MTFR1: variants seen among roughly 807,000 people sequenced by gnomAD.
MTFR1 encodes the protein mitochondrial fission regulator 1.
Under a neutral mutation model 38.8 loss-of-function variants are expected in MTFR1, and 28 were observed. The observed-to-expected ratio is 0.72, with a 90% CI of 0.53 to 0.99. The LOEUF (loss-of-function observed/expected upper bound fraction) is 0.99. Among genes scored for constraint, MTFR1 ranks in the 50% least tolerant of loss-of-function variants. The probability of loss-of-function intolerance (pLI) is 0.00; values close to 1 mark genes in which losing one functional copy is unlikely to be tolerated. For missense variants in MTFR1, 358 were observed against 395.5 expected, an observed-to-expected ratio of 0.91 and a Z score of 0.81; for synonymous variants, 145 against 137.0, an observed-to-expected ratio of 1.06 and a Z score of -0.41.
intron 3 of MTFR1, among the ~76,000 whole-genome samples, chr8:65,740,168 T>TG (rs1289158700): frequency 3.5e-3 from 233 of 66,584 alleles, no homozygotes; most frequent in Middle Eastern, 8.1e-3. Flanking sequence ...GAGAGTTGCT[T>TG]GGGGGGGTGG....
At chr8:65,654,578 T>G (rs1245902449) in intron 1 of MTFR1, among the ~76,000 whole-genome samples, 2 of 146,118 alleles carry the variant, frequency 1.4e-5, no homozygotes, top group Non-Finnish European at 3.1e-5. Flanking sequence ...AGCAATTTTT[T>G]TGTGTGTTGT....
At chr8:65,664,639 C>T (rs1804321812) in intron 1 of MTFR1, among the ~76,000 whole-genome samples, 1 of 149,064 alleles carries the variant, frequency 6.7e-6, no homozygotes, top group Non-Finnish European at 1.5e-5. Flanking sequence ...CTCCATCTCC[C>T]AGGCTGGAGT....
chr8:65,742,264 G>A (rs774608449), intron 3 of MTFR1, among the ~76,000 whole-genome samples: 1 of 152,146 alleles, frequency 6.6e-6, no homozygotes, highest in Non-Finnish European at 1.5e-5. Flanking sequence ...TCCCAGATGG[G>A]ATCTGGTTGG....
rs543593809 is a variant in MTFR1, at chr8:65,725,192, G to T, written c.*48+5711G>T. 7 of 243,734 alleles carry T rather than the reference G, an allele frequency of 2.9e-5. No homozygotes were observed. In the East Asian group the frequency reaches 5.4e-4, roughly 19 times the overall value. 15.1% of individuals were successfully genotyped at this position (243,734 alleles called of 1,614,324 possible). ...AGCCTTTATTTTGCCAGCCAAGGTG[G>T]TATTATTTGCTTTAAAAAAAAAATC... On this transcript the variant is annotated intron_variant, in intron 3 of 3. Transcript: ENST00000521247.
intron 1 of MTFR1, among the ~76,000 whole-genome samples, chr8:65,664,690 G>T (rs956621198): frequency 3.5e-5 from 5 of 142,512 alleles, no homozygotes; most frequent in Non-Finnish European, 6.0e-5. Context: ...TTTGCCTCCC[G>T]CGTTCAAGCT....
intron 4 of MTFR1, among the ~76,000 whole-genome samples, chr8:65,694,589 A>C (rs949257849): frequency 3.3e-5 from 5 of 152,228 alleles, no homozygotes; most frequent in Admixed American, 2.6e-4. Context: ...TACAGTAATT[A>C]TAATGGTCTC....
intron 3 of MTFR1, among the ~76,000 whole-genome samples, chr8:65,726,612 G>A (rs528270706): frequency 2.6e-5 from 4 of 152,232 alleles, no homozygotes; most frequent in South Asian, 4.2e-4. Context: ...AACTATGGCT[G>A]AGCAATTGTG....
intron 3 of MTFR1, among the ~76,000 whole-genome samples, chr8:65,766,692 T>C (rs1384729732): frequency 1.3e-5 from 2 of 152,196 alleles, no homozygotes; most frequent in Non-Finnish European, 2.9e-5. Flanking sequence ...TTCCTCCCAA[T>C]TTGTTGGGGC....
rs1563484028 is a variant in MTFR1, at chr8:65,745,676, ATTTT to A, written c.*49-25270_*49-25267del. On this transcript the variant is annotated intron_variant, in intron 3 of 3. Transcript: ENST00000521247. Reference sequence around the variant, plus strand: ...AACTCCATTTGAAAAATGAAACATTATTTTGTTTTTCAATTAATGAATGCACAGG... The same window carrying A: ...AACTCCATTTGAAAAATGAAACATTAGTTTTTCAATTAATGAATGCACAGG... Among the ~76,000 whole-genome samples the A allele has an allele frequency of 2.0e-5, 3 of 152,356 alleles. No homozygotes were observed. The South Asian group carries it at 6.2e-4, about 32-fold the overall frequency.
Position 65,709,959 on chromosome 8 carries a change from A to G in MTFR1, c.*915A>G, listed in dbSNP as rs1444855774. The G allele has an allele frequency of 6.6e-6, 1 of 152,554 alleles. No homozygotes were observed. Among genetic ancestry groups the G allele is most frequent in the East Asian group, 1.9e-4 (1 of 5,204 alleles). The allele number at this position is 152,554 out of a possible 1,614,324, so 9.5% of individuals were successfully genotyped here. On this transcript the variant is annotated 3_prime_UTR_variant, in exon 8 of 8. Transcript: ENST00000262146. ...TTGACTTGGCAAATGAATTTCCTAT[A>G]AATTATCATTGGTCAGAATGCTGTT...
rs756916606 is a variant in MTFR1 at position 65,708,004 on chromosome 8, G to A, written c.926G>A (p.Arg309Lys). 1.2e-6 allele frequency: 2 copies of A among 1,611,624 alleles called. No individual in the cohort carries two copies. Among genetic ancestry groups the A allele is most frequent in the African/African-American group, 2.7e-5 (2 of 74,910 alleles). The part of the protein sequence containing the change: ...PKSESEATSE[R>K]VLFGPHMLKP... ...TCTGAATCAGAGGCCACCTCAGAGA[G>A]AGTGTTGGTGAGTTATTTGCCCAGA... Residue 309 changes from arginine to lysine, a missense_variant, in exon 7 of 8, where the codon AGA (arginine) becomes AAA (lysine). Coordinates refer to ENST00000262146, the MANE Select transcript of MTFR1 (RefSeq NM_014637.4).
intron 3 of MTFR1, among the ~76,000 whole-genome samples, chr8:65,687,854 C>T (rs945233629): frequency 1.1e-4 from 17 of 152,104 alleles, no homozygotes; most frequent in Middle Eastern, 6.8e-3. Flanking sequence ...AATCCCAGCA[C>T]TTTGGGAGGC....
At chr8:65,720,378 G>A (rs116327382) in intron 3 of MTFR1, 5 of 154,084 alleles carry the variant, frequency 3.2e-5, no homozygotes, top group African/African-American at 4.8e-5. Flanking sequence ...ATTCTATCAC[G>A]CTTTAAAATT....
At chr8:65,746,906 C>T (rs780242392) in intron 3 of MTFR1, among the ~76,000 whole-genome samples, 2 of 152,162 alleles carry the variant, frequency 1.3e-5, no homozygotes, top group Non-Finnish European at 2.9e-5. Flanking sequence ...CTTATCTACA[C>T]AAACTCAAGA....
intron 3 of MTFR1, among the ~76,000 whole-genome samples, chr8:65,732,060 A>G (rs149499131): frequency 0.04 from 6,127 of 152,114 alleles, 183 homozygotes; most frequent in Non-Finnish European, 0.062. Flanking sequence ...ACGCAGTGGC[A>G]TGATCTCGGT....
In MTFR1 at chr8:65,767,639, AC is replaced by A. The variant is rs1808856107; in HGVS notation, c.*49-3306del. Among the ~76,000 whole-genome samples the A allele has an allele frequency of 3.9e-5, 6 of 151,992 alleles. 1 individual carries two copies. Among genetic ancestry groups the A allele is most frequent in the Admixed American group, 3.9e-4 (6 of 15,268 alleles). Reference sequence around the variant, plus strand: ...GGGGAATCTGGGGGAAGGAATGCTGACCTCAAGAAGCTTTCATAAAAACCCA... The same window carrying A: ...GGGGAATCTGGGGGAAGGAATGCTGACTCAAGAAGCTTTCATAAAAACCCA... On this transcript the variant is annotated intron_variant, in intron 3 of 3. Transcript: ENST00000521247.
At chr8:65,747,210 AAGAG>A (rs1402713476) in intron 3 of MTFR1, among the ~76,000 whole-genome samples, 1 of 152,162 alleles carries the variant, frequency 6.6e-6, no homozygotes, top group African/African-American at 2.4e-5. Context: ...ACACACAAAA[AAGAG>A]AGAGAGACCT....
intron 4 of MTFR1, among the ~76,000 whole-genome samples, chr8:65,694,857 C>G (rs1417900926): frequency 6.6e-6 from 1 of 152,196 alleles, no homozygotes; most frequent in Non-Finnish European, 1.5e-5. Context: ...GAGTAAAGAA[C>G]TTGTTTAAAG....
intron 3 of MTFR1, among the ~76,000 whole-genome samples, chr8:65,753,556 T>C (rs1307606798): frequency 6.7e-6 from 1 of 149,336 alleles, no homozygotes; most frequent in Non-Finnish European, 1.5e-5. Context: ...TTAAGACTTC[T>C]TTGTGTCCTA....
Sources: gnomAD v4.1 joint callset for allele counts (sites outside exome capture counted in the v4.1 genomes callset) on GRCh38, gnomAD v4.1.1 for gene constraint, MANE v1.5 for transcripts, NCBI Gene and HGNC (gene_info 2026-07-23, HGNC 2026-07-21) for gene names.